The following CRACD variants were observed in gnomAD, a reference collection of about 807,000 sequenced individuals.
CRACD encodes the protein capping protein-inhibiting regulator of actin dynamics.
CRACD carries 56 observed loss-of-function variants against 106.8 expected under a neutral mutation model. The ratio of observed to expected loss-of-function variants is 0.52; its 90% CI spans 0.42 to 0.66. The LOEUF is 0.66. CRACD is among the 30% of genes least tolerant of loss of function. The pLI, the probability that CRACD is intolerant of heterozygous loss-of-function variation, is 0.00. For synonymous variants in CRACD, 754 were observed against 670.8 expected (o/e 1.12, Z -1.92); for missense variants, 1,730 against 1,623.2 (o/e 1.07, Z -1.13).
intron 2 of CRACD, among the ~76,000 whole-genome samples, chr4:56,254,746 A>T (rs1741246419): frequency 6.6e-6 from 1 of 151,880 alleles, no homozygotes; most frequent in Admixed American, 6.6e-5. Context: ...ATGGTTTGAG[A>T]ATTTGACTTT....
intron 2 of CRACD, among the ~76,000 whole-genome samples, chr4:56,272,050 G>A (rs1560511750): frequency 2.0e-5 from 3 of 152,174 alleles, no homozygotes; most frequent in Non-Finnish European, 4.4e-5. Flanking sequence ...TGGCCACTTG[G>A]AACCTCTTCT....
At chr4:56,292,173 C>T (rs558440482) in intron 3 of CRACD, among the ~76,000 whole-genome samples, 13 of 152,228 alleles carry the variant, frequency 8.5e-5, no homozygotes, top group South Asian at 4.1e-4. Flanking sequence ...GTGTTCATTC[C>T]CTAGGGATCT....
chr4:56,296,600 A>AC (rs2109716226), intron 3 of CRACD, among the ~76,000 whole-genome samples: 1 of 152,274 alleles, frequency 6.6e-6, no homozygotes, highest in South Asian at 2.1e-4. Context: ...CTGCCTGGGA[A>AC]CACCTGCCCC....
At chr4:56,182,823 A>G (rs1736888058) in intron 2 of CRACD, among the ~76,000 whole-genome samples, 1 of 151,334 alleles carries the variant, frequency 6.6e-6, no homozygotes, top group Non-Finnish European at 1.5e-5. Context: ...TTGTGATGGA[A>G]TTAAATGATT....
intron 1 of CRACD, among the ~76,000 whole-genome samples, chr4:56,151,474 A>G (rs1735577073): frequency 6.6e-6 from 1 of 152,118 alleles, no homozygotes; most frequent in Non-Finnish European, 1.5e-5. Flanking sequence ...GAGCCGTTTA[A>G]GAGTAAGTTG....
intron 1 of CRACD, among the ~76,000 whole-genome samples, chr4:56,134,363 A>C (rs894348506): frequency 9.9e-5 from 15 of 152,184 alleles, no homozygotes; most frequent in African/African-American, 3.6e-4. Flanking sequence ...ATTGTTGACC[A>C]AGCTGGTTGA....
In CRACD at chr4:56,272,368, A is replaced by C. The variant is rs570164202; in HGVS notation, c.-141A>C. On this transcript the variant is annotated 5_prime_UTR_variant, in exon 3 of 11. Transcript: ENST00000682029. ...CCAGCCTTTTAAAAAGTTGTTTGGCAAAAGGAAAAAGAAAGACCCTTCGTT... is the reference window on the plus strand; with the variant it reads ...CCAGCCTTTTAAAAAGTTGTTTGGCCAAAGGAAAAAGAAAGACCCTTCGTT... The C allele has an allele frequency of 1.3e-5, 2 of 152,868 alleles. No individual in the cohort carries two copies. The highest frequency in any genetic ancestry group is 4.8e-5 in the African/African-American group (2 of 41,456). The allele number at this position is 152,868 out of a possible 1,614,324, so 9.5% of individuals were successfully genotyped here.
Position 56,324,092 on chromosome 4 carries a change from C to G in CRACD, c.3379-12C>G, listed in dbSNP as rs745755013. 14 of 1,598,674 alleles carry G rather than the reference C, an allele frequency of 8.8e-6. No homozygotes were observed. Among genetic ancestry groups the G allele is most frequent in the African/African-American group, 2.7e-5 (2 of 74,654 alleles). The stretch of plus-strand genomic sequence containing the variant: ...GAAAACATGTTTCCCATGACTGTCT[C>G]TGCCCACGCAGGTCAGTGTCAGCGT... On this transcript the variant is annotated splice_polypyrimidine_tract_variant and intron_variant, in intron 9 of 10. Transcript: ENST00000682029.
At chr4:56,074,935 G>A (rs915429928) in intron 1 of CRACD, among the ~76,000 whole-genome samples, 2 of 152,052 alleles carry the variant, frequency 1.3e-5, no homozygotes, top group Admixed American at 6.6e-5. Context: ...CTGCATCAAT[G>A]GAGACAATCA....
chr4:56,320,201 G>T (rs539782330), intron 8 of CRACD, among the ~76,000 whole-genome samples: 1 of 151,170 alleles, frequency 6.6e-6, no homozygotes, highest in Non-Finnish European at 1.5e-5. Flanking sequence ...AAATTCTAAC[G>T]TACTTAGGGT....
At position 56,328,544 on chromosome 4, in the gene CRACD, A is replaced by AC; in HGVS notation, c.*741dup. 2.5e-6 allele frequency: 1 copy of AC among 398,768 alleles called. No homozygotes were observed. Among genetic ancestry groups the AC allele is most frequent in the Non-Finnish European group, 4.9e-6 (1 of 203,342 alleles). 24.7% of individuals were successfully genotyped at this position (398,768 alleles called of 1,614,324 possible). On this transcript the variant is annotated 3_prime_UTR_variant, in exon 11 of 11. Coordinates refer to ENST00000682029, the MANE Select transcript of CRACD (RefSeq NM_001393381.1). ...TTTTAATTTAATGTAGTGAAGAAAG[A>AC]CAATTCTAGATCAGAGCTACAAGTT... is the stretch of plus-strand genomic sequence containing the variant.
At chr4:56,271,968 T>G (rs556413591) in intron 2 of CRACD, among the ~76,000 whole-genome samples, 31 of 152,312 alleles carry the variant, frequency 2.0e-4, no homozygotes, top group African/African-American at 7.5e-4. Flanking sequence ...GGTCTCAAAC[T>G]CCTGGGCTCA....
chr4:56,175,145 T>C (rs890336118), intron 1 of CRACD, among the ~76,000 whole-genome samples: 3 of 152,134 alleles, frequency 2.0e-5, no homozygotes, highest in African/African-American at 7.2e-5. Context: ...CATACAGATA[T>C]CTGTTTGATA....
intron 1 of CRACD, among the ~76,000 whole-genome samples, chr4:56,088,939 G>A (rs1178429389): frequency 6.6e-6 from 1 of 152,144 alleles, no homozygotes; most frequent in East Asian, 1.9e-4. Flanking sequence ...TGGCCAGGCT[G>A]GTCTTGAACT....
chr4:56,180,694 T>A (rs1483629049), intron 2 of CRACD, among the ~76,000 whole-genome samples: 1 of 152,178 alleles, frequency 6.6e-6, no homozygotes, highest in East Asian at 1.9e-4. Flanking sequence ...TAATAAAAAC[T>A]ACTCATTAGT....
At chr4:56,292,531 T>A (rs1272381650) in intron 3 of CRACD, among the ~76,000 whole-genome samples, 1 of 151,934 alleles carries the variant, frequency 6.6e-6, no homozygotes, top group African/African-American at 2.4e-5. Context: ...CCTCTAAATT[T>A]TTTTTTTTTT....
At chr4:56,244,655 C>CT (rs1275027864) in intron 2 of CRACD, among the ~76,000 whole-genome samples, 2 of 152,034 alleles carry the variant, frequency 1.3e-5, no homozygotes, top group Non-Finnish European at 1.5e-5. Context: ...TCCCACACAC[C>CT]AGCTGTTCTA....
chr4:56,058,536 C>T (rs972397889), intron 1 of CRACD, among the ~76,000 whole-genome samples: 2 of 152,188 alleles, frequency 1.3e-5, no homozygotes, highest in Non-Finnish European at 2.9e-5. Flanking sequence ...CCTGACGTTC[C>T]AGTCTGGAAA....
intron 1 of CRACD, among the ~76,000 whole-genome samples, chr4:56,056,106 T>C (rs549396963): frequency 2.6e-5 from 4 of 152,252 alleles, no homozygotes; most frequent in Non-Finnish European, 5.9e-5. Context: ...ATTCATTCAG[T>C]AGTTATACTT....
Sources: allele counts gnomAD v4.1 joint callset (sites outside exome capture counted in the v4.1 genomes callset), GRCh38; gene constraint gnomAD v4.1.1; transcripts MANE v1.5; gene names NCBI Gene and HGNC (gene_info 2026-07-23, HGNC 2026-07-21).